PTPN2: variants seen among roughly 807,000 people sequenced by gnomAD.
PTPN2 encodes protein tyrosine phosphatase non-receptor type 2.
PTPN2 carries 19 observed loss-of-function variants against 57.3 expected under a neutral mutation model. The observed-to-expected ratio is 0.33, with a 90% CI of 0.23 to 0.49. PTPN2 has a LOEUF of 0.49. PTPN2 is among the 20% of genes least tolerant of loss of function. PTPN2 has a pLI of 0.99. For missense variants in PTPN2, 358 were observed against 501.1 expected, an observed-to-expected ratio of 0.71 and a Z score of 2.73; for synonymous variants, 153 against 164.9, an observed-to-expected ratio of 0.93 and a Z score of 0.55.
At chr18:12,798,995 A>G (rs1190391733) in intron 8 of PTPN2, among the ~76,000 whole-genome samples, 1 of 152,222 alleles carries the variant, frequency 6.6e-6, no homozygotes, top group Non-Finnish European at 1.5e-5. Context: ...AAATGTTTAT[A>G]ATCCAATAAA....
rs992056741 is a variant in PTPN2, at chr18:12,874,534, G to T, written c.69+9539C>A. On this transcript the variant is annotated intron_variant, in intron 1 of 8. Coordinates refer to ENST00000309660, the MANE Select transcript of PTPN2 (RefSeq NM_002828.4). Reference sequence around the variant, plus strand: ...CAGCCGCCCCGTCCGGGAGGAAGGTGGGGGGGGGTCAGCTCCCCGCCCGGC... The same window carrying T: ...CAGCCGCCCCGTCCGGGAGGAAGGTTGGGGGGGGTCAGCTCCCCGCCCGGC... Among the ~76,000 whole-genome samples the T allele has an allele frequency of 2.3e-4, 10 of 42,968 alleles. 1 individual carries two copies. Among genetic ancestry groups the T allele is most frequent in the East Asian group, 3.0e-3 (2 of 674 alleles). The allele number at this position is 42,968 out of a possible 152,430, so 28.2% of individuals were successfully genotyped here. A position where few individuals can be genotyped will look rare whatever the true frequency, so the allele number is the denominator to read the frequency against.
At chr18:12,790,294 A>C (rs2040952116), downstream of PTPN2, among the ~76,000 whole-genome samples, 1 of 152,192 alleles carries the variant, frequency 6.6e-6, no homozygotes, top group African/African-American at 2.4e-5. Flanking sequence ...TCTGTACAAC[A>C]ACCAGGCAGG....
At chr18:12,785,779 T>C (rs775702303) in exon 10 of PTPN2, 2 of 1,590,792 alleles carry the variant, frequency 1.3e-6, no homozygotes, top group African/African-American at 2.7e-5. Context: ...TGCACATCAA[T>C]GGTTCAAAAT....
intron 1 of PTPN2, among the ~76,000 whole-genome samples, chr18:12,865,233 G>A (rs1226349959): frequency 6.6e-6 from 1 of 152,014 alleles, no homozygotes; most frequent in Non-Finnish European, 1.5e-5. Context: ...AATCACTTGA[G>A]ACCAGTCTGG....
At position 12,840,998 on chromosome 18, in the gene PTPN2, CAT is replaced by C. The variant is rs995088757; in HGVS notation, c.161-4109_161-4108del. The C allele has an allele frequency of 2.1e-6, 3 of 1,423,746 alleles. No individual in the cohort carries two copies. In the African/African-American group the frequency reaches 4.3e-5, roughly 20 times the overall value. 88.2% of individuals were successfully genotyped at this position (1,423,746 alleles called of 1,614,324 possible). A position where few individuals can be genotyped will look rare whatever the true frequency, so the allele number is the denominator to read the frequency against. ...TCATACACAATTTTTAGTCAACAAA[CAT>C]ATTTTAACCTATAGGGATCTAAAGG... On this transcript the variant is annotated intron_variant, in intron 2 of 8. Transcript: ENST00000309660.
downstream of PTPN2, chr18:12,787,304 C>G (rs974222140): frequency 6.6e-6 from 1 of 152,192 alleles, no homozygotes; most frequent in African/African-American, 2.4e-5. Context: ...TTTGGAGTTA[C>G]TGGAAGTCTA....
At chr18:12,868,146 A>G (rs2044055631) in intron 1 of PTPN2, among the ~76,000 whole-genome samples, 1 of 152,248 alleles carries the variant, frequency 6.6e-6, no homozygotes, top group Non-Finnish European at 1.5e-5. Context: ...CACTTCAATG[A>G]TAAATCAGAA....
chr18:12,800,684 T>A (rs985493214), intron 8 of PTPN2, among the ~76,000 whole-genome samples: 3 of 152,196 alleles, frequency 2.0e-5, no homozygotes, highest in Non-Finnish European at 4.4e-5. Flanking sequence ...TATGGCAGAC[T>A]TCGACTATTT....
chr18:12,878,273 C>T (rs1343585935), intron 1 of PTPN2, among the ~76,000 whole-genome samples: 1 of 151,066 alleles, frequency 6.6e-6, no homozygotes, highest in East Asian at 1.9e-4. Context: ...GCTGAGATCA[C>T]GCCACTGCAC....
intron 2 of PTPN2, among the ~76,000 whole-genome samples, chr18:12,855,583 G>A (rs2043559721): frequency 6.6e-6 from 1 of 152,148 alleles, no homozygotes. Flanking sequence ...AGAATTGAAA[G>A]CAGGACGATA....
intron 5 of PTPN2, chr18:12,818,856 G>A (rs1040060571): frequency 6.5e-6 from 1 of 153,270 alleles, no homozygotes; most frequent in Admixed American, 6.5e-5. Context: ...CACTTTGGGA[G>A]GCTGAGGCGG....
chr18:12,794,357 G>T lies in PTPN2; in HGVS notation c.1169C>A (p.Thr390Asn). ...AATGACTGACATAAACCCCATCTTA[G>T]TGAGAATAGGTTGCCAATATAACCA... The part of the protein sequence containing the change: ...KRWLYWQPIL[T>N]KMGFMSVILV... The change falls in exon 9 of 9, where the codon ACT (threonine) becomes AAT (asparagine). Residue 390 changes from threonine (T) to asparagine (N), a missense_variant. By Grantham distance (65) the Thr-to-Asn change is moderately conservative (BLOSUM62 0). This residue lies in a region of PTPN2 where 96 missense variants were observed against 110.8 expected (regional missense o/e 0.87). Transcript: ENST00000309660. The T allele has an allele frequency of 6.2e-7, 1 of 1,614,240 alleles. No homozygotes were observed.
At chr18:12,785,631 G>A (rs1335433016) in exon 10 of PTPN2, 2 of 641,358 alleles carry the variant, frequency 3.1e-6, no homozygotes, top group Middle Eastern at 8.2e-4. Flanking sequence ...CCAATTAAAG[G>A]TTCTGCAAAG....
At chr18:12,819,084 A>C in intron 5 of PTPN2, 1 of 401,400 alleles carries the variant, frequency 2.5e-6, no homozygotes, top group South Asian at 4.1e-5. Context: ...ACGAGAGCGA[A>C]ACTCCATCTC....
chr18:12,807,706 C>T (rs2041734327), intron 7 of PTPN2, among the ~76,000 whole-genome samples: 1 of 146,574 alleles, frequency 6.8e-6, no homozygotes, highest in Admixed American at 6.9e-5. Flanking sequence ...AAGACAAATA[C>T]TGTATGTTCT....
chr18:12,858,089 C>T (rs2043655681), intron 2 of PTPN2, among the ~76,000 whole-genome samples: 1 of 152,092 alleles, frequency 6.6e-6, no homozygotes. Flanking sequence ...TATCTATAAC[C>T]AATGACTACA....
At chr18:12,865,153 GA>G (rs1290728605) in intron 1 of PTPN2, among the ~76,000 whole-genome samples, 4 of 152,138 alleles carry the variant, frequency 2.6e-5, no homozygotes, top group Admixed American at 2.0e-4. Flanking sequence ...GGATGGTCTT[GA>G]AAGAAACTGA....
chr18:12,860,494 G>A (rs1242667505), intron 1 of PTPN2, among the ~76,000 whole-genome samples: 1 of 152,300 alleles, frequency 6.6e-6, no homozygotes, highest in Non-Finnish European at 1.5e-5. Flanking sequence ...CTACTCGGGA[G>A]GCTGAGGCAG....
intron 5 of PTPN2, among the ~76,000 whole-genome samples, chr18:12,819,467 T>C (rs2042196879): frequency 6.6e-6 from 1 of 152,088 alleles, no homozygotes; most frequent in Non-Finnish European, 1.5e-5. Flanking sequence ...ACCAGATTAC[T>C]GGTTTCTGGC....
Sources: gnomAD v4.1 joint callset for allele counts (sites outside exome capture counted in the v4.1 genomes callset) on GRCh38, gnomAD v4.1.1 for gene constraint, gnomAD v4.1.1 regional missense constraint, MANE v1.5 for transcripts, NCBI Gene and HGNC (gene_info 2026-07-23, HGNC 2026-07-21) for gene names.